The following EPC1 variants were observed in gnomAD, a reference collection of about 807,000 sequenced individuals.
The protein encoded by EPC1 is enhancer of polycomb homolog 1.
EPC1 carries 12 observed loss-of-function variants against 98.4 expected under a neutral mutation model. The observed-to-expected ratio is 0.12, with a 90% confidence interval of 0.08 to 0.20. EPC1 has a LOEUF of 0.20. Ranked by LOEUF, EPC1 falls within the 10% of genes least tolerant of loss-of-function variation. The pLI is 1.00. For synonymous variants in EPC1, 357 were observed against 363.9 expected, an observed-to-expected ratio of 0.98 and a Z score of 0.21; for missense variants, 729 against 990.5, an observed-to-expected ratio of 0.74 and a Z score of 3.54.
At chr10:32,283,817 T>A (rs1051635796) in intron 10 of EPC1, 1 of 152,154 alleles carries the variant, frequency 6.6e-6, no homozygotes, top group Non-Finnish European at 1.5e-5. Context: ...GGACTGCAAT[T>A]GGGGGGTGCC....
chr10:32,300,681 G>A (rs1256670336), intron 2 of EPC1, among the ~76,000 whole-genome samples: 2 of 151,972 alleles, frequency 1.3e-5, no homozygotes, highest in Non-Finnish European at 2.9e-5. Flanking sequence ...TGATCTGCCT[G>A]CCTCGGCCTC....
intron 1 of EPC1, among the ~76,000 whole-genome samples, chr10:32,330,310 T>A (rs766996227): frequency 6.6e-6 from 1 of 152,214 alleles, no homozygotes; most frequent in African/African-American, 2.4e-5. Flanking sequence ...ATTTGGAACT[T>A]ATTTTAAACT....
At position 32,267,973 on chromosome 10, in the gene EPC1, CT is replaced by C. The variant is rs1564514559; in HGVS notation, c.*1089del. The C allele has an allele frequency of 6.6e-6, 1 of 152,180 alleles. No individual in the cohort carries two copies. Among genetic ancestry groups the C allele is most frequent in the Non-Finnish European group, 1.5e-5 (1 of 68,042 alleles). 9.4% of individuals were successfully genotyped at this position (152,180 alleles called of 1,614,324 possible). A position where few individuals can be genotyped will look rare whatever the true frequency, so the allele number is the denominator to read the frequency against. ...GGCACCCGATATTTGTGGTTCTGGC[CT>C]TGCAGCCTTCTGGAGAATCTTAAAA... On this transcript the variant is annotated 3_prime_UTR_variant, in exon 14 of 14. Coordinates refer to ENST00000319778, the MANE Select transcript of EPC1 (RefSeq NM_001272004.3).
At chr10:32,358,602 G>A (rs1460934665) in intron 1 of EPC1, among the ~76,000 whole-genome samples, 4 of 138,864 alleles carry the variant, frequency 2.9e-5, no homozygotes, top group African/African-American at 8.0e-5. Flanking sequence ...CTGTGATCGC[G>A]TCACTGCACT....
chr10:32,314,916 C>T (rs534802229), intron 1 of EPC1, among the ~76,000 whole-genome samples: 284 of 152,316 alleles, frequency 1.9e-3, no homozygotes, highest in Non-Finnish European at 3.0e-3. Context: ...TCTTCAAAGT[C>T]GGGTTCAAAA....
At chr10:32,336,364 G>A (rs1219753541) in intron 1 of EPC1, among the ~76,000 whole-genome samples, 2 of 151,968 alleles carry the variant, frequency 1.3e-5, no homozygotes, top group African/African-American at 2.4e-5. Context: ...CACCGTGCCC[G>A]GCCTACTACC....
chr10:32,327,038 A>G (rs1403730260), intron 1 of EPC1, among the ~76,000 whole-genome samples: 1 of 142,022 alleles, frequency 7.0e-6, no homozygotes, highest in Admixed American at 7.9e-5. Flanking sequence ...ATTACCATCA[A>G]TAGATGAATG....
At chr10:32,276,553 A>G (rs977948235) in intron 10 of EPC1, among the ~76,000 whole-genome samples, 1 of 152,196 alleles carries the variant, frequency 6.6e-6, no homozygotes, top group African/African-American at 2.4e-5. Context: ...ATGAGATTAA[A>G]TTAGGTGATC....
At chr10:32,309,103 G>T (rs1052621050) in intron 1 of EPC1, among the ~76,000 whole-genome samples, 6 of 152,142 alleles carry the variant, frequency 3.9e-5, no homozygotes, top group Non-Finnish European at 7.4e-5. Flanking sequence ...GAACTCAATT[G>T]TTCATTAAAA....
At chr10:32,279,185 T>TA (rs1235194074) in intron 10 of EPC1, among the ~76,000 whole-genome samples, 1 of 151,634 alleles carries the variant, frequency 6.6e-6, no homozygotes, top group Non-Finnish European at 1.5e-5. Context: ...CCGTCTCTAC[T>TA]AAAAAATACA....
At chr10:32,272,517 C>T (rs1835894932) in intron 11 of EPC1, among the ~76,000 whole-genome samples, 1 of 152,096 alleles carries the variant, frequency 6.6e-6, no homozygotes. Flanking sequence ...ATTTGCAAAT[C>T]CATATAATGA....
At chr10:32,336,822 A>T (rs1364201848) in intron 1 of EPC1, among the ~76,000 whole-genome samples, 1 of 152,230 alleles carries the variant, frequency 6.6e-6, no homozygotes, top group Non-Finnish European at 1.5e-5. Context: ...GACATAAAAT[A>T]GTTATTAGGA....
chr10:32,327,099 G>A (rs552735695), intron 1 of EPC1, among the ~76,000 whole-genome samples: 143 of 125,482 alleles, frequency 1.1e-3, no homozygotes, highest in African/African-American at 4.0e-3. Context: ...ACTCACAATG[G>A]AATAATATTC....
chr10:32,291,147 C>CA lies in EPC1; in HGVS notation c.975+15dup. The CA allele has an allele frequency of 6.2e-7, 1 of 1,606,156 alleles. No individual in the cohort carries two copies. The highest frequency in any genetic ancestry group is 2.2e-5 in the East Asian group (1 of 44,804). The stretch of plus-strand genomic sequence containing the variant: ...ATCCCATTATTAGATACTATTATCA[C>CA]AAAAACATTAATCACCTTATTAACT... On this transcript the variant is annotated intron_variant, in intron 6 of 13. Transcript: ENST00000319778.
chr10:32,341,687 T>C (rs1443512359), intron 1 of EPC1, among the ~76,000 whole-genome samples: 1 of 152,344 alleles, frequency 6.6e-6, no homozygotes, highest in Non-Finnish European at 1.5e-5. Flanking sequence ...TGCATAGGCA[T>C]GTAAAGTGTT....
intron 1 of EPC1, among the ~76,000 whole-genome samples, chr10:32,323,371 TTA>T (rs1433056492): frequency 1.3e-5 from 2 of 152,170 alleles, no homozygotes; most frequent in African/African-American, 4.8e-5. Context: ...TATGTGTATT[TTA>T]TGTTTGTTCA....
At chr10:32,309,392 C>T (rs1836065642) in intron 1 of EPC1, among the ~76,000 whole-genome samples, 1 of 151,758 alleles carries the variant, frequency 6.6e-6, no homozygotes, top group Non-Finnish European at 1.5e-5. Context: ...ACATGTACTC[C>T]CTAAATATCT....
At chr10:32,287,996 C>T (rs1887531) in intron 6 of EPC1, among the ~76,000 whole-genome samples, 103,174 of 152,062 alleles carry the variant, frequency 0.68, 35,442 homozygotes, top group Middle Eastern at 0.77. Context: ...GAATTTGATA[C>T]GTAGGCAATA....
chr10:32,281,354 G>A (rs189804390), intron 10 of EPC1, among the ~76,000 whole-genome samples: 3 of 152,092 alleles, frequency 2.0e-5, no homozygotes, highest in Admixed American at 2.0e-4. Context: ...TGACTCTTCT[G>A]TTTTAATTAG....
Sources: gnomAD v4.1 joint callset for allele counts (sites outside exome capture counted in the v4.1 genomes callset) on GRCh38, gnomAD v4.1.1 for gene constraint, MANE v1.5 for transcripts, NCBI Gene and HGNC (gene_info 2026-07-23, HGNC 2026-07-21) for gene names.